The following FHIT variants were observed in gnomAD, a reference collection of about 807,000 sequenced individuals.
FHIT encodes the protein bis(5'-adenosyl)-triphosphatase.
In FHIT, 19 loss-of-function variants were observed where a neutral mutation model predicts 17.9. That is an observed-to-expected ratio of 1.06 (90% CI 0.74 to 1.56). The LOEUF (loss-of-function observed/expected upper bound fraction) is 1.56, where lower values mean the gene tolerates loss of function less well. Ranked by LOEUF, FHIT falls within the 40% of genes most tolerant of loss-of-function variation. The probability of loss-of-function intolerance (pLI) is 0.00; values close to 1 mark genes in which losing one functional copy is unlikely to be tolerated. For synonymous variants in FHIT, 81 were observed against 69.7 expected, an observed-to-expected ratio of 1.16 and a Z score of -0.81; for missense variants, 248 against 189.2, an observed-to-expected ratio of 1.31 and a Z score of -1.82.
rs143106805 is a variant in FHIT at position 59,821,792 on chromosome 3, ATTTATT to A, written c.349-69477_349-69472del. Among the ~76,000 whole-genome samples the A allele has an allele frequency of 5.0e-3, 765 of 151,884 alleles. 9 individuals are homozygous for A. The highest frequency in any genetic ancestry group is 0.027 in the Admixed American group (411 of 15,234). ...ATAAATGATCTGCATTTAGTGATATATTTATTTTTAATTTTTTTATTTCCATAGGTT... is the reference window on the plus strand; with the variant it reads ...ATAAATGATCTGCATTTAGTGATATATTTAATTTTTTTATTTCCATAGGTT... On this transcript the variant is annotated intron_variant, in intron 8 of 9. Transcript: ENST00000492590.
At chr3:60,482,328 G>A (rs1433063589) in intron 5 of FHIT, among the ~76,000 whole-genome samples, 3 of 151,964 alleles carry the variant, frequency 2.0e-5, no homozygotes, top group South Asian at 2.1e-4. Flanking sequence ...TGGATCAAGC[G>A]GACCTAATAG....
At chr3:60,182,807 C>T (rs1240007751) in intron 5 of FHIT, among the ~76,000 whole-genome samples, 1 of 151,526 alleles carries the variant, frequency 6.6e-6, no homozygotes, top group Non-Finnish European at 1.5e-5. Flanking sequence ...TCAATCAATA[C>T]TTGTCCAAAT....
intron 5 of FHIT, among the ~76,000 whole-genome samples, chr3:60,169,370 T>C (rs890087642): frequency 5.3e-5 from 8 of 152,140 alleles, no homozygotes; most frequent in South Asian, 4.1e-4. Context: ...CATCATTGCA[T>C]AGGGCAGGAA....
chr3:61,020,284 A>G (rs1336648449), intron 3 of FHIT, among the ~76,000 whole-genome samples: 1 of 152,170 alleles, frequency 6.6e-6, no homozygotes, highest in East Asian at 1.9e-4. Context: ...TTCTCTAATG[A>G]CCAGTGATGA....
intron 8 of FHIT, among the ~76,000 whole-genome samples, chr3:59,763,229 A>G (rs1323642099): frequency 5.3e-5 from 8 of 152,144 alleles, no homozygotes; most frequent in African/African-American, 1.9e-4. Flanking sequence ...TCTTTTTTCA[A>G]AGGTACCTTG....
At chr3:61,006,080 A>T (rs74713660) in intron 3 of FHIT, among the ~76,000 whole-genome samples, 15,981 of 128,998 alleles carry the variant, frequency 0.12, 897 homozygotes, top group Admixed American at 0.15. Flanking sequence ...AAGGTTTTTA[A>T]AAAAAAAAAA....
intron 6 of FHIT, among the ~76,000 whole-genome samples, chr3:60,012,027 G>A (rs1700157589): frequency 6.6e-6 from 1 of 152,052 alleles, no homozygotes; most frequent in African/African-American, 2.4e-5. Flanking sequence ...GCCAAACAAA[G>A]CAATGGCTCC....
At chr3:59,910,814 T>C (rs1207301177) in intron 8 of FHIT, among the ~76,000 whole-genome samples, 2 of 152,206 alleles carry the variant, frequency 1.3e-5, no homozygotes, top group South Asian at 2.1e-4. Context: ...GTTTCCGTTG[T>C]CTAGCTTCAG....
intron 5 of FHIT, among the ~76,000 whole-genome samples, chr3:60,135,509 C>G (rs942943364): frequency 3.9e-5 from 6 of 152,160 alleles, no homozygotes; most frequent in Non-Finnish European, 5.9e-5. Flanking sequence ...CAACCTCTAG[C>G]CTCTCCAGGC....
At chr3:60,225,348 G>T (rs766881628) in intron 5 of FHIT, among the ~76,000 whole-genome samples, 10 of 152,168 alleles carry the variant, frequency 6.6e-5, no homozygotes, top group Non-Finnish European at 1.0e-4. Context: ...TCCTGCCAAT[G>T]GAACAGAAAA....
intron 5 of FHIT, among the ~76,000 whole-genome samples, chr3:60,515,400 G>A (rs112514450): frequency 6.6e-4 from 100 of 152,248 alleles, no homozygotes; most frequent in African/African-American, 2.4e-3. Flanking sequence ...AATTCGTCCA[G>A]GAAGGAGGAA....
At chr3:60,405,858 C>A (rs1701836705) in intron 5 of FHIT, among the ~76,000 whole-genome samples, 1 of 152,202 alleles carries the variant, frequency 6.6e-6, no homozygotes, top group African/African-American at 2.4e-5. Flanking sequence ...CTCAGCTAGA[C>A]AACTCTTTGT....
chr3:61,014,846 G>GTA (rs1400400881), intron 3 of FHIT, among the ~76,000 whole-genome samples: 8 of 120,602 alleles, frequency 6.6e-5, no homozygotes, highest in Non-Finnish European at 1.3e-4. Context: ...CCTTATATAT[G>GTA]TATATATATG....
intron 8 of FHIT, among the ~76,000 whole-genome samples, chr3:59,907,359 T>C (rs1290656369): frequency 6.6e-6 from 1 of 152,238 alleles, no homozygotes; most frequent in African/African-American, 2.4e-5. Context: ...TGACCATCTC[T>C]TGGCTAAAGG....
chr3:60,820,966 C>CTATTATTATTATTAT (rs10576663), intron 4 of FHIT, among the ~76,000 whole-genome samples: 16 of 150,276 alleles, frequency 1.1e-4, no homozygotes, highest in Non-Finnish European at 2.1e-4. Flanking sequence ...TACTTTCTTG[C>CTATTATTATTATTAT]TATTATTATT....
chr3:60,757,658 T>C (rs1426814226), intron 4 of FHIT, among the ~76,000 whole-genome samples: 1 of 152,158 alleles, frequency 6.6e-6, no homozygotes, highest in African/African-American at 2.4e-5. Flanking sequence ...ATGTGTAGTA[T>C]AAGCTTCAGG....
intron 5 of FHIT, among the ~76,000 whole-genome samples, chr3:60,443,531 T>C (rs1028536450): frequency 1.3e-5 from 2 of 152,116 alleles, no homozygotes; most frequent in African/African-American, 2.4e-5. Flanking sequence ...TTGAGATAAT[T>C]ATGTGGTTTT....
chr3:60,754,193 C>T, intron 4 of FHIT, among the ~76,000 whole-genome samples: 1 of 152,154 alleles, frequency 6.6e-6, no homozygotes, highest in East Asian at 1.9e-4. Context: ...GTAAACTGTA[C>T]CCACTTTGCA....
chr3:61,101,843 T>C (rs2035840650), intron 2 of FHIT, among the ~76,000 whole-genome samples: 1 of 152,160 alleles, frequency 6.6e-6, no homozygotes, highest in African/African-American at 2.4e-5. Flanking sequence ...ACTTATGATT[T>C]AGCTCTCTGT....
Sources: allele counts gnomAD v4.1 joint callset (sites outside exome capture counted in the v4.1 genomes callset), GRCh38; gene constraint gnomAD v4.1.1; transcripts MANE v1.5; gene names NCBI Gene and HGNC (gene_info 2026-07-23, HGNC 2026-07-21).